The following MED12L variants were observed in gnomAD, a reference collection of about 807,000 sequenced individuals.
MED12L encodes mediator complex subunit 12L, also known as mediator of RNA polymerase II transcription subunit 12-like protein.
Under a neutral mutation model 281.3 loss-of-function variants are expected in MED12L, and 60 were observed. That is an observed-to-expected ratio of 0.21 (90% CI 0.17 to 0.26). The LOEUF (loss-of-function observed/expected upper bound fraction) is 0.26, where lower values mean the gene tolerates loss of function less well. Among genes scored for constraint, MED12L ranks in the 10% least tolerant of loss-of-function variants. The probability of loss-of-function intolerance (pLI) is 1.00; values close to 1 mark genes in which losing one functional copy is unlikely to be tolerated. For missense variants in MED12L, 2,146 were observed against 2,680.9 expected (o/e 0.80, Z 4.41); for synonymous variants, 974 against 987.2 (o/e 0.99, Z 0.25).
chr3:151,375,887 C>G (rs909664956), intron 27 of MED12L, 139 bp from the exon 28 acceptor site: 1 of 486,244 alleles, frequency 2.1e-6, no homozygotes, highest in Non-Finnish European at 3.2e-6. Context: ...ATTTTTCTAC[C>G]TACTTTTTAA....
chr3:151,202,707 A>T lies in MED12L; in HGVS notation c.2250+9041A>T, dbSNP rs80124752. The stretch of plus-strand genomic sequence containing the variant: ...CAAAAACAAAATAAAAGCTTATTAG[A>T]TTTTCTATGGGAATCACAGTGGAAT... On this transcript the variant is annotated intron_variant, in intron 16 of 44. Transcript: ENST00000687756. Among the ~76,000 whole-genome samples, 8 of 152,244 alleles carry T rather than the reference A, an allele frequency of 5.3e-5. No homozygotes were observed. In the East Asian group the frequency reaches 9.7e-4, roughly 18 times the overall value.
chr3:151,120,639 G>C (rs1445942816), intron 3 of MED12L, among the ~76,000 whole-genome samples: 1 of 152,184 alleles, frequency 6.6e-6, no homozygotes, highest in Admixed American at 6.5e-5. Flanking sequence ...AATAATAGAT[G>C]TGTGTTTACT....
At chr3:151,193,360 T>G in intron 15 of MED12L, 130 bp from the exon 16 acceptor site, 1 of 630,212 alleles carries the variant, frequency 1.6e-6, no homozygotes, top group Non-Finnish European at 2.7e-6. Context: ...TTTCTTCATA[T>G]TTTTTTGCTA....
intron 34 of MED12L, 70 bp from the exon 35 acceptor site, chr3:151,384,013 T>TA: frequency 6.5e-7 from 1 of 1,531,650 alleles, no homozygotes; most frequent in South Asian, 1.2e-5. Flanking sequence ...GTGCCTTGAA[T>TA]AAAAATACTC....
chr3:151,432,693 A>G (rs1416911322), intron 44 of MED12L, 59 bp from the exon 45 acceptor site: 1 of 1,249,674 alleles, frequency 8.0e-7, no homozygotes, highest in East Asian at 2.4e-5. Context: ...AGAGGGTAGC[A>G]TCCATCTGTG....
rs892240293 is a variant in MED12L at position 151,319,561 on chromosome 3, T to G, written c.2251-30498T>G. 2.0e-5 allele frequency among the ~76,000 whole-genome samples: 3 copies of G among 151,860 alleles called. No individual in the cohort carries two copies. The East Asian group carries it at 5.8e-4, about 29-fold the overall frequency. On this transcript the variant is annotated intron_variant, in intron 16 of 44. Transcript: ENST00000687756. ...TTTTGTTTTTATACTAGGGTGATTT[T>G]TTTCCTTCTAACATTATTTTTAAAG...
At position 151,389,053 on chromosome 3, in the gene MED12L, T is replaced by C. The variant is rs77133055; in HGVS notation, c.5451+881T>C. ...TCCTAGCTGATAGCTTGGTGATTAA[T>C]ACTATTTTAGAAATGACCACCACCA... On this transcript the variant is annotated intron_variant, in intron 37 of 44. Transcript: ENST00000687756. 7.2e-5 allele frequency among the ~76,000 whole-genome samples: 11 copies of C among 152,308 alleles called. No homozygotes were observed. The East Asian group carries it at 2.1e-3, about 29-fold the overall frequency.
chr3:151,091,995 A>T (rs529694073), intron 2 of MED12L, among the ~76,000 whole-genome samples: 2 of 152,348 alleles, frequency 1.3e-5, no homozygotes, highest in South Asian at 4.1e-4. Context: ...CTATTAGCTG[A>T]TCCCTTATTA....
chr3:151,166,623 T>C (rs1720759552), intron 11 of MED12L, among the ~76,000 whole-genome samples: 1 of 151,738 alleles, frequency 6.6e-6, no homozygotes, highest in African/African-American at 2.4e-5. Context: ...TGTGGCGGTC[T>C]TGAGTCCATA....
intron 16 of MED12L, among the ~76,000 whole-genome samples, chr3:151,298,042 A>G (rs9841430): frequency 0.11 from 16,869 of 152,246 alleles, 1,229 homozygotes; most frequent in Middle Eastern, 0.17. Flanking sequence ...GCCATTACTC[A>G]TCTGGTTGCT....
At chr3:151,354,214 TTTTTG>T (rs1219983229) in intron 17 of MED12L, among the ~76,000 whole-genome samples, 2 of 151,662 alleles carry the variant, frequency 1.3e-5, no homozygotes, top group Admixed American at 6.6e-5. Context: ...CAACTTTTCC[TTTTTG>T]TTTTTAGATT....
intron 5 of MED12L, among the ~76,000 whole-genome samples, chr3:151,144,211 G>A (rs543853567): frequency 5.3e-5 from 8 of 152,214 alleles, no homozygotes; most frequent in African/African-American, 1.2e-4. Context: ...TGTGGTTGCC[G>A]CATGCCTTAG....
intron 2 of MED12L, among the ~76,000 whole-genome samples, chr3:151,109,466 TC>T (rs1711537275): frequency 6.6e-6 from 1 of 152,206 alleles, no homozygotes; most frequent in African/African-American, 2.4e-5. Context: ...CCTGTCTCCC[TC>T]GAATTGCTTT....
chr3:151,400,420 T>C (rs1380377527), intron 39 of MED12L, among the ~76,000 whole-genome samples: 1 of 152,160 alleles, frequency 6.6e-6, no homozygotes, highest in Non-Finnish European at 1.5e-5. Context: ...TCATTAATCA[T>C]AAGGATTTTT....
intron 16 of MED12L, chr3:151,269,867 G>A (rs567046074): frequency 8.9e-5 from 41 of 458,870 alleles, no homozygotes; most frequent in South Asian, 6.4e-4. Context: ...GAGGCAGCAC[G>A]AAGAACCAGA....
chr3:151,430,492 GT>G, intron 44 of MED12L, 112 bp downstream of exon 44: 1 of 1,471,172 alleles, frequency 6.8e-7, no homozygotes, highest in Non-Finnish European at 9.1e-7. Flanking sequence ...TCAGTACAAT[GT>G]TCATGTTATT....
chr3:151,390,624 G>A (rs912711628), intron 38 of MED12L, among the ~76,000 whole-genome samples: 2 of 152,100 alleles, frequency 1.3e-5, no homozygotes, highest in Admixed American at 6.5e-5. Context: ...TAGATTTCTC[G>A]TCCCAAATGA....
At chr3:151,096,651 T>A (rs1448651804) in intron 2 of MED12L, among the ~76,000 whole-genome samples, 2 of 152,108 alleles carry the variant, frequency 1.3e-5, no homozygotes, top group African/African-American at 4.8e-5. Flanking sequence ...GTAGGTCTGC[T>A]ATTTTGGGGG....
chr3:151,146,319 T>C (rs1479842054), intron 5 of MED12L, among the ~76,000 whole-genome samples: 2 of 152,168 alleles, frequency 1.3e-5, no homozygotes, highest in Non-Finnish European at 2.9e-5. Context: ...CACGCTGCCA[T>C]TTCTGTGTGT....
Sources: allele counts gnomAD v4.1 joint callset (sites outside exome capture counted in the v4.1 genomes callset), GRCh38; gene constraint gnomAD v4.1.1; transcripts MANE v1.5; gene names NCBI Gene and HGNC (gene_info 2026-07-23, HGNC 2026-07-21).